Variants in PDSS2 observed in about 807,000 individuals in gnomAD.
PDSS2 encodes the protein all trans-polyprenyl-diphosphate synthase PDSS2.
Under a neutral mutation model 44.5 loss-of-function variants are expected in PDSS2, and 31 were observed. That is an observed-to-expected ratio of 0.70 (90% CI 0.52 to 0.94). The LOEUF is 0.94. Among genes scored for constraint, PDSS2 ranks in the 40% least tolerant of loss-of-function variants. The pLI is 0.00. For missense variants in PDSS2, 452 were observed against 482.2 expected, an observed-to-expected ratio of 0.94 and a Z score of 0.59; for synonymous variants, 157 against 180.3, an observed-to-expected ratio of 0.87 and a Z score of 1.03.
In PDSS2 at chr6:107,452,087, A is replaced by G. The variant is rs1486751168; in HGVS notation, c.296+6903T>C. Among the ~76,000 whole-genome samples, 3 of 152,034 alleles carry G rather than the reference A, an allele frequency of 2.0e-5. No homozygotes were observed. In the South Asian group the frequency reaches 6.2e-4, roughly 32 times the overall value. On this transcript the variant is annotated intron_variant, in intron 1 of 7. Coordinates refer to ENST00000369037, the MANE Select transcript of PDSS2 (RefSeq NM_020381.4). ...GCCAAGGCTAGAGTGCAGTGGTACA[A>G]TCATAGCTCACTGCAGCCTTGAAGT...
chr6:107,231,847 AG>A (rs1419426575), intron 4 of PDSS2, among the ~76,000 whole-genome samples: 3 of 151,980 alleles, frequency 2.0e-5, no homozygotes, highest in Non-Finnish European at 2.9e-5. Flanking sequence ...CTGTAATCCC[AG>A]CTATTCAGGA....
At chr6:107,291,968 C>T (rs1776363869) in intron 2 of PDSS2, among the ~76,000 whole-genome samples, 1 of 152,110 alleles carries the variant, frequency 6.6e-6, no homozygotes, top group African/African-American at 2.4e-5. Context: ...GCCTTACTTC[C>T]AGCTCTGAGC....
intron 1 of PDSS2, among the ~76,000 whole-genome samples, chr6:107,348,473 A>G (rs1462296596): frequency 6.6e-6 from 1 of 152,256 alleles, no homozygotes. Flanking sequence ...GATGGAACTC[A>G]GGAGTGAAAC....
chr6:107,153,232 G>A lies in PDSS2; in HGVS notation c.*1387C>T, dbSNP rs1452721798. ...GTAATTACACCACATGAGGAAGAAA[G>A]GTAGCTGAGTTTCAATCTAGATCAT... On this transcript the variant is annotated 3_prime_UTR_variant, in exon 8 of 8. Transcript: ENST00000369037. The A allele has an allele frequency of 1.2e-4, 18 of 152,586 alleles. No individual in the cohort carries two copies. Among genetic ancestry groups the A allele is most frequent in the African/African-American group, 4.3e-4 (18 of 41,420 alleles). 9.5% of individuals were successfully genotyped at this position (152,586 alleles called of 1,614,324 possible).
chr6:107,295,224 G>A (rs1053866673), intron 2 of PDSS2, among the ~76,000 whole-genome samples: 6 of 152,110 alleles, frequency 3.9e-5, no homozygotes, highest in Non-Finnish European at 7.4e-5. Flanking sequence ...GTGAGCCACC[G>A]CGCCCGGCCA....
chr6:107,454,682 G>A (rs1457258250), intron 1 of PDSS2, among the ~76,000 whole-genome samples: 4 of 149,242 alleles, frequency 2.7e-5, no homozygotes, highest in Admixed American at 1.3e-4. Context: ...CACCATTCAC[G>A]TAAACTTTAG....
At chr6:107,250,018 T>C (rs1774760128) in intron 3 of PDSS2, among the ~76,000 whole-genome samples, 1 of 152,144 alleles carries the variant, frequency 6.6e-6, no homozygotes, top group Non-Finnish European at 1.5e-5. Flanking sequence ...CTTTATCTTT[T>C]GGCAAGGGTA....
At chr6:107,254,411 A>C (rs1582851597) in intron 3 of PDSS2, among the ~76,000 whole-genome samples, 1 of 152,306 alleles carries the variant, frequency 6.6e-6, no homozygotes, top group East Asian at 1.9e-4. Context: ...ATTTTTTAAA[A>C]AGTTGGTTGT....
At chr6:107,347,960 C>A (rs1038274073) in intron 1 of PDSS2, among the ~76,000 whole-genome samples, 9 of 152,006 alleles carry the variant, frequency 5.9e-5, no homozygotes, top group African/African-American at 7.3e-5. Flanking sequence ...CTCAGGATGC[C>A]ATCCCCCACC....
intron 1 of PDSS2, among the ~76,000 whole-genome samples, chr6:107,342,156 C>T (rs567729973): frequency 2.0e-5 from 3 of 151,330 alleles, no homozygotes; most frequent in Non-Finnish European, 4.4e-5. Context: ...ATGCCCTGCA[C>T]CCAGCAGAGC....
chr6:107,430,499 C>CA (rs915505103), intron 1 of PDSS2, among the ~76,000 whole-genome samples: 4 of 148,388 alleles, frequency 2.7e-5, no homozygotes, highest in Admixed American at 6.7e-5. Flanking sequence ...GATTCTATCT[C>CA]AAAAAAAATA....
intron 2 of PDSS2, among the ~76,000 whole-genome samples, chr6:107,274,795 C>T (rs1027875614): frequency 6.6e-6 from 1 of 151,754 alleles, no homozygotes; most frequent in South Asian, 2.1e-4. Context: ...ACTTCAGCCT[C>T]CCGAGTAGCT....
chr6:107,189,410 T>A, intron 7 of PDSS2, among the ~76,000 whole-genome samples: 1 of 152,152 alleles, frequency 6.6e-6, no homozygotes. Context: ...TGACCTTGGC[T>A]CACTGCAACC....
intron 3 of PDSS2, among the ~76,000 whole-genome samples, chr6:107,252,695 G>A (rs1274526187): frequency 2.0e-5 from 3 of 152,166 alleles, no homozygotes; most frequent in East Asian, 1.9e-4. Context: ...TTGAGAGGCC[G>A]AGGTGGGAGG....
chr6:107,368,768 A>G (rs1379043824), intron 1 of PDSS2, among the ~76,000 whole-genome samples: 1 of 152,028 alleles, frequency 6.6e-6, no homozygotes, highest in African/African-American at 2.4e-5. Flanking sequence ...TGTCACTGCA[A>G]CTCCAGCCTG....
chr6:107,419,351 A>C (rs905053049), intron 1 of PDSS2, among the ~76,000 whole-genome samples: 1 of 152,226 alleles, frequency 6.6e-6, no homozygotes, highest in African/African-American at 2.4e-5. Flanking sequence ...AAAGGAAGAG[A>C]AAAAATAAAA....
intron 2 of PDSS2, among the ~76,000 whole-genome samples, chr6:107,290,534 G>A (rs542922727): frequency 9.9e-5 from 15 of 151,498 alleles, no homozygotes; most frequent in African/African-American, 3.4e-4. Context: ...TCCACCCCCC[G>A]CCTCTCTGAC....
chr6:107,278,052 G>T (rs1427022752), intron 2 of PDSS2, among the ~76,000 whole-genome samples: 1 of 151,238 alleles, frequency 6.6e-6, no homozygotes. Context: ...AAACAGAATG[G>T]TTTAACATCT....
intron 7 of PDSS2, among the ~76,000 whole-genome samples, chr6:107,165,110 C>A (rs188560759): frequency 0.015 from 2,350 of 152,060 alleles, 60 homozygotes; most frequent in African/African-American, 0.054. Context: ...CCCATTCTGT[C>A]GGTTGCCCGT....
Sources: allele counts gnomAD v4.1 joint callset (sites outside exome capture counted in the v4.1 genomes callset), GRCh38; gene constraint gnomAD v4.1.1; transcripts MANE v1.5; gene names NCBI Gene and HGNC (gene_info 2026-07-23, HGNC 2026-07-21).